Variants in FIGN observed in about 807,000 individuals in gnomAD.
The protein encoded by FIGN is fidgetin.
FIGN carries 11 observed loss-of-function variants against 51.3 expected under a neutral mutation model. The ratio of observed to expected loss-of-function variants is 0.21; its 90% CI spans 0.13 to 0.35. The LOEUF (loss-of-function observed/expected upper bound fraction) is 0.35. FIGN is among the 10% of genes least tolerant of loss of function. FIGN has a pLI of 1.00. For missense variants in FIGN, 857 were observed against 943.6 expected, an observed-to-expected ratio of 0.91 and a Z score of 1.20; for synonymous variants, 407 against 363.2, an observed-to-expected ratio of 1.12 and a Z score of -1.37.
chr2:163,703,202 G>A (rs1344802021), intron 2 of FIGN, among the ~76,000 whole-genome samples: 3 of 151,898 alleles, frequency 2.0e-5, no homozygotes, highest in Non-Finnish European at 4.4e-5. Flanking sequence ...TTACTAACTT[G>A]CAAAAAGATT....
intron 2 of FIGN, among the ~76,000 whole-genome samples, chr2:163,622,625 G>A (rs116118780): frequency 0.019 from 2,813 of 151,992 alleles, 36 homozygotes; most frequent in Non-Finnish European, 0.031. Flanking sequence ...ATGGTGGCAC[G>A]ATCTTGGCTC....
rs1163163451 is a variant in FIGN, at chr2:163,602,894, G to A, written c.*6658C>T. On this transcript the variant is annotated 3_prime_UTR_variant, in exon 3 of 3. Transcript: ENST00000333129. ...GAATTTTTTTTTAATATATTACAGT[G>A]CCAACACCCAAGAAAATGAGATGCA... 5 of 151,700 alleles carry A rather than the reference G, an allele frequency of 3.3e-5. No individual in the cohort carries two copies. The highest frequency in any genetic ancestry group is 7.4e-5 in the Non-Finnish European group (5 of 67,914). 9.4% of individuals were successfully genotyped at this position (151,700 alleles called of 1,614,324 possible).
At chr2:163,631,306 C>T (rs1200388612) in intron 2 of FIGN, among the ~76,000 whole-genome samples, 2 of 152,084 alleles carry the variant, frequency 1.3e-5, no homozygotes, top group African/African-American at 4.8e-5. Flanking sequence ...TGTATTTGCA[C>T]AAAGAAAGGG....
intron 2 of FIGN, among the ~76,000 whole-genome samples, chr2:163,703,137 T>C (rs1234022409): frequency 6.6e-6 from 1 of 150,500 alleles, no homozygotes; most frequent in Non-Finnish European, 1.5e-5. Flanking sequence ...ATTGAAAAAA[T>C]AAAGAAAAAA....
intron 2 of FIGN, among the ~76,000 whole-genome samples, chr2:163,666,973 G>A (rs1035451217): frequency 3.3e-5 from 5 of 150,828 alleles, no homozygotes; most frequent in African/African-American, 4.9e-5. Flanking sequence ...ATATATATAT[G>A]TATAAAAATG....
chr2:163,659,828 T>TC (rs1683622163), intron 2 of FIGN, among the ~76,000 whole-genome samples: 1 of 152,016 alleles, frequency 6.6e-6, no homozygotes, highest in African/African-American at 2.4e-5. Context: ...AGAGGCCAGG[T>TC]GTGGTGGCTT....
chr2:163,652,400 T>C (rs1470578599), intron 2 of FIGN, among the ~76,000 whole-genome samples: 1 of 144,512 alleles, frequency 6.9e-6, no homozygotes, highest in African/African-American at 2.6e-5. Context: ...TTTCACTAAA[T>C]AAAAATGTTA....
intron 2 of FIGN, among the ~76,000 whole-genome samples, chr2:163,639,177 T>G (rs1162917450): frequency 6.6e-6 from 1 of 152,202 alleles, no homozygotes; most frequent in African/African-American, 2.4e-5. Flanking sequence ...TAGTGACTAC[T>G]AGAAATTGTT....
At chr2:163,676,434 AATATATATATATATAT>A (rs202072418) in intron 2 of FIGN, among the ~76,000 whole-genome samples, 3,645 of 65,828 alleles carry the variant, frequency 0.055, 231 homozygotes, top group African/African-American at 0.14. Flanking sequence ...GGATTCCTGG[AATATATATATATATAT>A]ATATATATAT....
intron 2 of FIGN, among the ~76,000 whole-genome samples, chr2:163,715,199 G>T (rs1684649588): frequency 6.6e-6 from 1 of 152,168 alleles, no homozygotes; most frequent in African/African-American, 2.4e-5. Flanking sequence ...AGAGGAGTCT[G>T]CAGTTATGGG....
chr2:163,654,918 A>G (rs1683535926), intron 2 of FIGN, among the ~76,000 whole-genome samples: 1 of 152,016 alleles, frequency 6.6e-6, no homozygotes, highest in Non-Finnish European at 1.5e-5. Flanking sequence ...CCAAAGGAGG[A>G]GCGTACCAGT....
intron 2 of FIGN, 42 bp from the exon 3 acceptor site, chr2:163,611,848 G>A: frequency 6.6e-7 from 1 of 1,522,908 alleles, no homozygotes. Context: ...ACTTAAATAG[G>A]CATCAGAACT....
In FIGN at chr2:163,620,998, C is replaced by T. The variant is rs535550548; in HGVS notation, c.26-9192G>A. On this transcript the variant is annotated intron_variant, in intron 2 of 2. Coordinates refer to ENST00000333129, the MANE Select transcript of FIGN (RefSeq NM_018086.4). ...TCAATAAACAAATTAAGAAATCTTC[C>T]AAACCCCACAACCTTGCTTAAAATG... 9.9e-5 allele frequency among the ~76,000 whole-genome samples: 15 copies of T among 152,100 alleles called. No individual in the cohort carries two copies. The South Asian group carries it at 3.1e-3, about 32-fold the overall frequency.
intron 2 of FIGN, among the ~76,000 whole-genome samples, chr2:163,700,963 C>A (rs1320788818): frequency 6.6e-6 from 1 of 152,106 alleles, no homozygotes; most frequent in African/African-American, 2.4e-5. Flanking sequence ...ACTAGATGTA[C>A]AACTCTTCAC....
At chr2:163,645,629 C>T (rs1435979168) in intron 2 of FIGN, among the ~76,000 whole-genome samples, 1 of 152,014 alleles carries the variant, frequency 6.6e-6, no homozygotes, top group African/African-American at 2.4e-5. Flanking sequence ...GCAGAGGGGC[C>T]CTTTGGATCC....
intron 2 of FIGN, among the ~76,000 whole-genome samples, chr2:163,712,532 T>C (rs1479235523): frequency 6.6e-6 from 1 of 152,196 alleles, no homozygotes; most frequent in African/African-American, 2.4e-5. Context: ...CAAATACATA[T>C]AGAAAGATAA....
intron 2 of FIGN, among the ~76,000 whole-genome samples, chr2:163,731,801 C>T (rs74709470): frequency 6.6e-6 from 1 of 151,954 alleles, no homozygotes; most frequent in South Asian, 2.1e-4. Flanking sequence ...AATCAACTCA[C>T]ACATACAGCT....
intron 2 of FIGN, among the ~76,000 whole-genome samples, chr2:163,628,023 G>T (rs898351309): frequency 6.6e-6 from 1 of 152,160 alleles, no homozygotes; most frequent in African/African-American, 2.4e-5. Flanking sequence ...AATCTTGATA[G>T]CTTTTACCAT....
At chr2:163,652,793 A>G (rs374484183) in intron 2 of FIGN, among the ~76,000 whole-genome samples, 1 of 152,172 alleles carries the variant, frequency 6.6e-6, no homozygotes, top group Admixed American at 6.5e-5. Context: ...TTCCGTCCAA[A>G]AAAACAAAAC....
Sources: gnomAD v4.1 joint callset for allele counts (sites outside exome capture counted in the v4.1 genomes callset) on GRCh38, gnomAD v4.1.1 for gene constraint, MANE v1.5 for transcripts, NCBI Gene and HGNC (gene_info 2026-07-23, HGNC 2026-07-21) for gene names.